The following WNT3 variants were observed in gnomAD, a reference collection of about 807,000 sequenced individuals.
WNT3 encodes the protein Wnt family member 3, also known as proto-oncogene Wnt-3.
A neutral mutation model predicts 34.2 loss-of-function variants in WNT3; 7 were observed. The ratio of observed to expected loss-of-function variants is 0.20; its 90% CI spans 0.12 to 0.38. WNT3 has a LOEUF of 0.38. Among genes scored for constraint, WNT3 ranks in the 10% least tolerant of loss-of-function variants. The probability of loss-of-function intolerance (pLI) is 1.00; values close to 1 mark genes in which losing one functional copy is unlikely to be tolerated. For synonymous variants in WNT3, 212 were observed against 211.5 expected (o/e 1.00, Z -0.02); for missense variants, 267 against 499.8 (o/e 0.53, Z 4.44).
At chr17:46,772,658 T>A (rs892566375) in intron 2 of WNT3, among the ~76,000 whole-genome samples, 23 of 152,248 alleles carry the variant, frequency 1.5e-4, no homozygotes, top group Non-Finnish European at 2.2e-4. Flanking sequence ...ATTACCCTCC[T>A]GTCCCATGAC....
intron 1 of WNT3, among the ~76,000 whole-genome samples, chr17:46,804,708 A>G (rs2084170207): frequency 6.6e-6 from 1 of 152,250 alleles, no homozygotes; most frequent in African/African-American, 2.4e-5. Flanking sequence ...GGCCAGCCGG[A>G]CTTCCTGGGT....
At chr17:46,813,561 T>C (rs1316793836) in intron 1 of WNT3, among the ~76,000 whole-genome samples, 1 of 151,766 alleles carries the variant, frequency 6.6e-6, no homozygotes, top group Non-Finnish European at 1.5e-5. Flanking sequence ...CTGGAGAAGG[T>C]TTCTGTGGCT....
intron 1 of WNT3, among the ~76,000 whole-genome samples, chr17:46,806,855 C>T (rs1458971705): frequency 2.0e-5 from 3 of 152,364 alleles, no homozygotes; most frequent in African/African-American, 7.2e-5. Context: ...GGGGCTCCAT[C>T]TGCAGAGTGG....
chr17:46,765,770 C>T (rs199528), intron 4 of WNT3, among the ~76,000 whole-genome samples: 20,393 of 152,310 alleles, frequency 0.13, 1,868 homozygotes, highest in Non-Finnish European at 0.2. Flanking sequence ...GCCCTGTGAG[C>T]AGCTGGGTCC....
intron 1 of WNT3, among the ~76,000 whole-genome samples, chr17:46,810,019 T>C (rs1191645109): frequency 3.3e-5 from 5 of 149,934 alleles, no homozygotes; most frequent in African/African-American, 1.2e-4. Flanking sequence ...TTTTTTTTTT[T>C]TTTTGAGACA....
At chr17:46,809,134 A>G (rs907759151) in intron 1 of WNT3, among the ~76,000 whole-genome samples, 7 of 152,136 alleles carry the variant, frequency 4.6e-5, no homozygotes, top group African/African-American at 1.7e-4. Context: ...GGGGTTTGTG[A>G]AAGTTACAAC....
intron 1 of WNT3, among the ~76,000 whole-genome samples, chr17:46,805,195 C>T (rs868268370): frequency 2.6e-5 from 4 of 151,968 alleles, no homozygotes; most frequent in African/African-American, 9.7e-5. Flanking sequence ...CCTGGAATCC[C>T]AGCACTTTGA....
chr17:46,768,250 G>A lies in WNT3; in HGVS notation c.*8+62C>T. ...GGGGGTCGTCAAGAAGACGAGATGG[G>A]CAAACAACCCCATTCCCTGCGCCCA... On this transcript the variant is annotated intron_variant, in intron 4 of 4. Coordinates refer to ENST00000225512, the MANE Select transcript of WNT3 (RefSeq NM_030753.5). This position sits in a 1 kb window ranked among gnomAD's most constrained non-coding sequence, Gnocchi z 5.0. The A allele has an allele frequency of 6.2e-7, 1 of 1,606,682 alleles. No individual in the cohort carries two copies. Among genetic ancestry groups the A allele is most frequent in the East Asian group, 2.2e-5 (1 of 44,834 alleles).
Position 46,768,961 on chromosome 17 carries a change from T to C in WNT3, c.589-162A>G, listed in dbSNP as rs2059338370. 6.6e-6 allele frequency among the ~76,000 whole-genome samples: 1 copy of C among 152,152 alleles called. No individual in the cohort carries two copies. Among genetic ancestry groups the C allele is most frequent in the South Asian group, 2.1e-4 (1 of 4,830 alleles). On this transcript the variant is annotated intron_variant, in intron 3 of 4. Coordinates refer to ENST00000225512, the MANE Select transcript of WNT3 (RefSeq NM_030753.5). The surrounding 1 kb of genome is among the most constrained non-coding windows in gnomAD (Gnocchi z 5.0). Reference sequence around the variant, plus strand: ...GACTGAGGCAAGACCTAAAGAATAGTGACCATGTTTCCCTCCCCCTTCACA... The same window carrying C: ...GACTGAGGCAAGACCTAAAGAATAGCGACCATGTTTCCCTCCCCCTTCACA...
At chr17:46,765,017 C>T (rs967137347) in intron 4 of WNT3, among the ~76,000 whole-genome samples, 7 of 152,212 alleles carry the variant, frequency 4.6e-5, no homozygotes, top group South Asian at 4.1e-4. Flanking sequence ...GTTTTTGTAC[C>T]GCACCAAATA....
chr17:46,771,881 CGCCCCCGCCCCT>C (rs1174542818), intron 2 of WNT3, among the ~76,000 whole-genome samples: 306 of 144,880 alleles, frequency 2.1e-3, no homozygotes, highest in African/African-American at 7.3e-3. Flanking sequence ...CTCCGGCGCC[CGCCCCCGCCCCT>C]GCCCCCGCCC....
intron 1 of WNT3, among the ~76,000 whole-genome samples, chr17:46,816,905 T>C (rs2084358170): frequency 1.3e-5 from 2 of 152,072 alleles, no homozygotes; most frequent in African/African-American, 4.8e-5. Flanking sequence ...GCTGGACTGG[T>C]GTTGGCAGCA....
intron 2 of WNT3, 33 bp downstream of exon 2, chr17:46,773,635 G>GCCCCCCCCCCCC: frequency 4.6e-6 from 1 of 218,072 alleles, no homozygotes. Flanking sequence ...CCCCCACCCA[G>GCCCCCCCCCCCC]CCCCTCCCCC....
intron 4 of WNT3, among the ~76,000 whole-genome samples, chr17:46,767,951 G>A (rs557593743): frequency 6.6e-5 from 10 of 152,236 alleles, no homozygotes; most frequent in African/African-American, 2.4e-4. Context: ...ACAACGCCCG[G>A]CTAATTTTTG....
rs749719578 is a variant in WNT3 at position 46,779,103 on chromosome 17, A to ACACACACACCC, written c.81-5195_81-5194insGGGTGTGTGTG. Among the ~76,000 whole-genome samples the ACACACACACCC allele has an allele frequency of 5.8e-4, 77 of 133,650 alleles. 3 individuals are homozygous for ACACACACACCC. The highest frequency in any genetic ancestry group is 5.5e-4 in the Admixed American group (7 of 12,832). The allele number at this position is 133,650 out of a possible 152,430, so 87.7% of individuals were successfully genotyped here. On this transcript the variant is annotated intron_variant, in intron 1 of 4. Transcript: ENST00000225512. ...CACACACACACACACACACACACACACCCCAGCCCACTCGGCCTTCCAAAG... is the reference window on the plus strand; with the variant it reads ...CACACACACACACACACACACACACACACACACACCCCCCCAGCCCACTCGGCCTTCCAAAG...
At chr17:46,770,435 C>A (rs1308186509) in intron 2 of WNT3, among the ~76,000 whole-genome samples, 1 of 152,222 alleles carries the variant, frequency 6.6e-6, no homozygotes. Flanking sequence ...GACCACCCTG[C>A]ACAGGCCTGA....
At chr17:46,806,393 G>A in intron 1 of WNT3, among the ~76,000 whole-genome samples, 1 of 151,928 alleles carries the variant, frequency 6.6e-6, no homozygotes, top group East Asian at 1.9e-4. Flanking sequence ...ATTTTTAGTA[G>A]AGTTGGGGTT....
intron 1 of WNT3, among the ~76,000 whole-genome samples, chr17:46,796,012 C>T (rs905498231): frequency 1.3e-5 from 2 of 152,090 alleles, no homozygotes; most frequent in African/African-American, 2.4e-5. Context: ...ATCAGGTTGT[C>T]GGCAGGGTAA....
intron 1 of WNT3, among the ~76,000 whole-genome samples, chr17:46,792,930 A>G (rs1359303237): frequency 2.0e-5 from 3 of 152,070 alleles, no homozygotes; most frequent in Non-Finnish European, 4.4e-5. Flanking sequence ...TGACTCGTCT[A>G]AAGTCACATA....
Sources: allele counts gnomAD v4.1 joint callset (sites outside exome capture counted in the v4.1 genomes callset), GRCh38; gene constraint gnomAD v4.1.1; non-coding constraint Gnocchi (gnomAD v3.1); transcripts MANE v1.5; gene names NCBI Gene and HGNC (gene_info 2026-07-23, HGNC 2026-07-21).